The following DDX46 variants were observed in gnomAD, a reference collection of about 807,000 sequenced individuals.
DDX46 encodes the protein probable ATP-dependent RNA helicase DDX46.
Under a neutral mutation model 134.9 loss-of-function variants are expected in DDX46, and 30 were observed. That is an observed-to-expected ratio of 0.22 (90% confidence interval 0.17 to 0.30). DDX46 has a LOEUF of 0.30. Ranked by LOEUF, DDX46 falls within the 10% of genes least tolerant of loss-of-function variation. The pLI is 1.00. For synonymous variants in DDX46, 415 were observed against 404.1 expected (o/e 1.03, Z -0.32); for missense variants, 622 against 1,248.7 (o/e 0.50, Z 7.56).
chr5:134,798,985 CA>C (rs1754747938), intron 15 of DDX46, among the ~76,000 whole-genome samples: 1 of 152,176 alleles, frequency 6.6e-6, no homozygotes, highest in African/African-American at 2.4e-5. Context: ...TCTATTAATA[CA>C]TAGCATTTAC....
intron 4 of DDX46, among the ~76,000 whole-genome samples, chr5:134,771,637 G>A (rs1483035917): frequency 6.6e-6 from 1 of 151,706 alleles, no homozygotes; most frequent in Non-Finnish European, 1.5e-5. Flanking sequence ...GGGAGGCAGA[G>A]CTTGCAGTGA....
chr5:134,822,115 G>A (rs975900246), intron 21 of DDX46, among the ~76,000 whole-genome samples: 4 of 151,728 alleles, frequency 2.6e-5, no homozygotes, highest in Non-Finnish European at 5.9e-5. Flanking sequence ...CTGACCTCAG[G>A]TGAACTGCCT....
intron 18 of DDX46, among the ~76,000 whole-genome samples, chr5:134,813,380 G>C (rs1046039655): frequency 6.6e-6 from 1 of 152,198 alleles, no homozygotes; most frequent in African/African-American, 2.4e-5. Flanking sequence ...TCTGGCTTAG[G>C]CGCTCGTGAG....
intron 21 of DDX46, among the ~76,000 whole-genome samples, chr5:134,821,043 T>C (rs1280942897): frequency 6.6e-6 from 1 of 150,880 alleles, no homozygotes; most frequent in South Asian, 2.1e-4. Context: ...ATTTTCGTTT[T>C]TTTTTTTTTT....
rs1491461108 is a variant in DDX46, at chr5:134,828,593, CGT to C, written c.3052-65_3052-64del. 1.5e-3 allele frequency: 1,312 copies of C among 880,418 alleles called. 2 individuals carry two copies. Among genetic ancestry groups the C allele is most frequent in the Non-Finnish European group, 1.8e-3 (1,214 of 683,338 alleles). The allele number at this position is 880,418 out of a possible 1,614,324, so 54.5% of individuals were successfully genotyped here. ...GGTTTGTTTGGTTGGTTGGTTGGTTCGTTTTTTTTTTTTGTTTTTTTTGTTTT... is the reference window on the plus strand; with the variant it reads ...GGTTTGTTTGGTTGGTTGGTTGGTTCTTTTTTTTTTTGTTTTTTTTGTTTT... On this transcript the variant is annotated intron_variant, in intron 22 of 22. Coordinates refer to ENST00000452510, the MANE Select transcript of DDX46 (RefSeq NM_001300860.2).
intron 4 of DDX46, 141 bp from the exon 5 acceptor site, chr5:134,773,555 C>A: frequency 1.3e-6 from 1 of 785,170 alleles, no homozygotes; most frequent in Non-Finnish European, 1.9e-6. Context: ...CTAAGTCTAC[C>A]CTGAGGGGTT....
intron 13 of DDX46, among the ~76,000 whole-genome samples, chr5:134,790,786 A>C (rs983931606): frequency 3.9e-5 from 6 of 152,182 alleles, no homozygotes; most frequent in Non-Finnish European, 7.4e-5. Context: ...GACCAACACC[A>C]ACAAAGCTAG....
At chr5:134,813,064 C>A (rs1755191905) in intron 18 of DDX46, among the ~76,000 whole-genome samples, 1 of 152,074 alleles carries the variant, frequency 6.6e-6, no homozygotes, top group Non-Finnish European at 1.5e-5. Context: ...GCCTCAGACT[C>A]CCAAGTAACT....
intron 1 of DDX46, 74 bp downstream of exon 1, chr5:134,759,029 G>C: frequency 1.9e-6 from 3 of 1,586,400 alleles, no homozygotes; most frequent in Middle Eastern, 4.1e-4. Flanking sequence ...GAGTTGAGGT[G>C]GCCGCCGGGC....
chr5:134,822,110 C>T (rs967208580), intron 21 of DDX46, among the ~76,000 whole-genome samples: 1 of 151,938 alleles, frequency 6.6e-6, no homozygotes, highest in Non-Finnish European at 1.5e-5. Flanking sequence ...AACTCCTGAC[C>T]TCAGGTGAAC....
chr5:134,769,039 CAGAG>C (rs927263091), intron 3 of DDX46, among the ~76,000 whole-genome samples: 2 of 152,202 alleles, frequency 1.3e-5, no homozygotes, highest in African/African-American at 4.8e-5. Flanking sequence ...GCCTGGCCGA[CAGAG>C]AGAGACTCCG....
chr5:134,767,096 C>A, intron 3 of DDX46, 36 bp downstream of exon 3: 2 of 1,555,988 alleles, frequency 1.3e-6, no homozygotes, highest in South Asian at 1.2e-5. Context: ...ATAGTGCAGA[C>A]TGGGGACTGC....
chr5:134,788,025 CAAAAA>C (rs576416864), intron 11 of DDX46, among the ~76,000 whole-genome samples: 2 of 53,316 alleles, frequency 3.8e-5, no homozygotes, highest in Admixed American at 2.1e-4. Context: ...GACCCTGTCT[CAAAAA>C]AAAAAAAAAA....
At chr5:134,785,688 G>T in intron 11 of DDX46, 102 bp downstream of exon 11, 1 of 1,343,856 alleles carries the variant, frequency 7.4e-7, no homozygotes, top group Non-Finnish European at 1.0e-6. Context: ...AATAGTGATT[G>T]CTTCTAAAAT....
chr5:134,808,804 T>C (rs1755061548), intron 16 of DDX46, among the ~76,000 whole-genome samples: 1 of 152,210 alleles, frequency 6.6e-6, no homozygotes, highest in South Asian at 2.1e-4. Flanking sequence ...TTGATTATGA[T>C]ATATTTAATT....
Position 134,758,935 on chromosome 5 carries a change from C to T in DDX46, c.-4C>T. The stretch of plus-strand genomic sequence containing the variant: ...AGGGCACCAGTATTCCCGCGGTCGG[C>T]AGCATGGGTCGGGAGTCACGGTGAG... On this transcript the variant is annotated 5_prime_UTR_variant, in exon 1 of 23. Coordinates refer to ENST00000452510, the MANE Select transcript of DDX46 (RefSeq NM_001300860.2). 1 of 1,613,192 alleles carries T rather than the reference C, an allele frequency of 6.2e-7. No homozygotes were observed. Among genetic ancestry groups the T allele is most frequent in the South Asian group, 1.1e-5 (1 of 91,082 alleles).
At position 134,830,176 on chromosome 5, in the gene DDX46, AAAAAAAAAG is replaced by A. The variant is rs1755698098; in HGVS notation, c.*1478_*1486del. On this transcript the variant is annotated 3_prime_UTR_variant, in exon 23 of 23. Transcript: ENST00000452510. ...AACCACAGATCAAAAATAGAAAAAA[AAAAAAAAAG>A]AAAAAAAGAATGTAAAATTTTAAAA... 1 of 151,014 alleles carries A rather than the reference AAAAAAAAAG, an allele frequency of 6.6e-6. No individual in the cohort carries two copies. The highest frequency in any genetic ancestry group is 1.5e-5 in the Non-Finnish European group (1 of 67,574). The allele number at this position is 151,014 out of a possible 1,614,324, so 9.4% of individuals were successfully genotyped here.
intron 21 of DDX46, among the ~76,000 whole-genome samples, chr5:134,824,393 C>T (rs1203768761): frequency 6.6e-6 from 1 of 152,106 alleles, no homozygotes; most frequent in Non-Finnish European, 1.5e-5. Context: ...GAGTTTGAGA[C>T]CAGCCTGGCC....
chr5:134,771,055 T>C, intron 4 of DDX46, 56 bp downstream of exon 4: 1 of 720,028 alleles, frequency 1.4e-6, no homozygotes, highest in Non-Finnish European at 2.3e-6. Flanking sequence ...TTTCTTTCTT[T>C]CTTTTCTTTC....
Sources: allele counts gnomAD v4.1 joint callset (sites outside exome capture counted in the v4.1 genomes callset), GRCh38; gene constraint gnomAD v4.1.1; transcripts MANE v1.5; gene names NCBI Gene and HGNC (gene_info 2026-07-23, HGNC 2026-07-21).